The following APPL2 variants were observed in gnomAD, a reference collection of about 807,000 sequenced individuals.
APPL2 encodes adaptor protein, phosphotyrosine interacting with PH domain and leucine zipper 2.
In APPL2, 84 loss-of-function variants were observed where a neutral mutation model predicts 92.7. The ratio of observed to expected loss-of-function variants is 0.91; its 90% CI spans 0.76 to 1.09. APPL2 has a LOEUF of 1.09. Ranked by LOEUF, APPL2 falls within the 50% of genes least tolerant of loss-of-function variation. The pLI, the probability that APPL2 is intolerant of heterozygous loss-of-function variation, is 0.00. For missense variants in APPL2, 736 were observed against 824.5 expected (o/e 0.89, Z 1.31); for synonymous variants, 291 against 291.0 (o/e 1.00, Z 0.00).
intron 4 of APPL2, 23 bp from the exon 5 acceptor site, chr12:105,211,340 C>G: frequency 6.6e-7 from 1 of 1,503,950 alleles, no homozygotes; most frequent in African/African-American, 1.4e-5. Context: ...GAATGGTATT[C>G]AAGTAAATTA....
At chr12:105,186,465 A>G (rs1190752796) in intron 17 of APPL2, among the ~76,000 whole-genome samples, 1 of 151,924 alleles carries the variant, frequency 6.6e-6, no homozygotes, top group Non-Finnish European at 1.5e-5. Context: ...TTTTTGTTTG[A>G]ACACCTGTAT....
intron 2 of APPL2, among the ~76,000 whole-genome samples, chr12:105,225,623 G>A (rs893745908): frequency 3.1e-4 from 47 of 152,214 alleles, no homozygotes; most frequent in African/African-American, 1.1e-3. Flanking sequence ...GCTCTTCTCT[G>A]TTAATGCACT....
At chr12:105,207,282 A>G (rs1888804075) in intron 7 of APPL2, 75 bp from the exon 8 acceptor site, 1 of 1,399,620 alleles carries the variant, frequency 7.1e-7, no homozygotes, top group South Asian at 1.4e-5. Context: ...GTGCTTCAAA[A>G]TGTGTGTTTA....
chr12:105,233,885 C>T (rs1437025416), intron 1 of APPL2, among the ~76,000 whole-genome samples: 1 of 152,222 alleles, frequency 6.6e-6, no homozygotes, highest in Non-Finnish European at 1.5e-5. Context: ...CACATAAAAT[C>T]CATGAAACAG....
chr12:105,184,551 C>T lies in APPL2; in HGVS notation c.1634+3722G>A, dbSNP rs577528608. On this transcript the variant is annotated intron_variant, in intron 17 of 20. Transcript: ENST00000258530. ...GCTGCAGTTTGCTGAAGGTACACTC[C>T]GGACTCTCTTTGCCTGGGTATCACC... Among the ~76,000 whole-genome samples, 28 of 152,308 alleles carry T rather than the reference C, an allele frequency of 1.8e-4. 2 individuals are homozygous for T. The highest frequency in any genetic ancestry group is 1.0e-3 in the South Asian group (5 of 4,822).
At chr12:105,188,195 A>G in intron 17 of APPL2, 78 bp downstream of exon 17, 2 of 1,497,690 alleles carry the variant, frequency 1.3e-6, no homozygotes, top group South Asian at 2.4e-5. Context: ...CAGTACTAAC[A>G]TTTCAGATGG....
At position 105,195,609 on chromosome 12, in the gene APPL2, A is replaced by G. The variant is rs1887572544; in HGVS notation, c.1071T>C (p.Ala357=). 1.9e-6 allele frequency: 3 copies of G among 1,614,238 alleles called. No homozygotes were observed. The highest frequency in any genetic ancestry group is 2.5e-6 in the Non-Finnish European group (3 of 1,180,046). Residue 357 remains alanine, a synonymous_variant, in exon 12 of 21, where the codon GCT becomes GCC. Transcript: ENST00000258530. Reference sequence around the variant, plus strand: ...CCTCTTCATTTTCCTTTCTGCTCTCAGCCTGGAGGATTATTCCCCTGAAAC... The same window carrying G: ...CCTCTTCATTTTCCTTTCTGCTCTCGGCCTGGAGGATTATTCCCCTGAAAC... ...PNGKSGIILQ[A]ESRKENEEWI...
chr12:105,222,007 A>G (rs1890138416), intron 2 of APPL2, among the ~76,000 whole-genome samples: 2 of 152,180 alleles, frequency 1.3e-5, no homozygotes, highest in African/African-American at 2.4e-5. Context: ...ATCGATCTAT[A>G]CCAACTATTT....
At chr12:105,220,583 G>A (rs993201547) in intron 2 of APPL2, among the ~76,000 whole-genome samples, 2 of 152,124 alleles carry the variant, frequency 1.3e-5, no homozygotes, top group African/African-American at 4.8e-5. Context: ...ACTCTAATAT[G>A]TTACTTCCCC....
intron 9 of APPL2, among the ~76,000 whole-genome samples, chr12:105,202,323 G>A (rs140305260): frequency 2.0e-3 from 305 of 152,242 alleles, no homozygotes; most frequent in African/African-American, 7.1e-3. Context: ...GCTATACTTG[G>A]GTTGGCCTAA....
intron 17 of APPL2, among the ~76,000 whole-genome samples, chr12:105,181,761 A>G (rs947410372): frequency 1.3e-5 from 2 of 152,134 alleles, no homozygotes; most frequent in African/African-American, 2.4e-5. Context: ...AGGTGTTTAT[A>G]GTATTCTCTG....
chr12:105,199,483 C>G lies in APPL2; in HGVS notation c.753G>C (p.Gln251His). 6.2e-7 allele frequency: 1 copy of G among 1,614,076 alleles called. No individual in the cohort carries two copies. Among genetic ancestry groups the G allele is most frequent in the Non-Finnish European group, 8.5e-7 (1 of 1,180,012 alleles). ...EAEAEKMRVS[Q>H]QELLSVDESV... is the part of the protein sequence containing the mutation. Reference sequence around the variant, plus strand: ...ATTCATCAACAGAAAGTAATTCTTGCTGGGACACCCGCATCTTTTCCGCCT... The same window carrying G: ...ATTCATCAACAGAAAGTAATTCTTGGTGGGACACCCGCATCTTTTCCGCCT... The change falls in exon 10 of 21, where the codon CAG becomes CAC. Residue 251 changes from glutamine (Q) to histidine (H), a missense_variant. Gln to His is a conservative substitution (Grantham distance 24). Transcript: ENST00000258530.
chr12:105,199,351 A>C (rs1592787737), intron 10 of APPL2, 22 bp downstream of exon 10: 1 of 1,599,474 alleles, frequency 6.3e-7, no homozygotes, highest in Non-Finnish European at 8.5e-7. Context: ...TCAGAAAAAG[A>C]GGCAGACGGT....
In APPL2 at chr12:105,177,270, TTTAA is replaced by T. The variant is rs745341740; in HGVS notation, c.1635-12_1635-9del. On this transcript the variant is annotated splice_polypyrimidine_tract_variant and intron_variant, in intron 17 of 20. Coordinates refer to ENST00000258530, the MANE Select transcript of APPL2 (RefSeq NM_018171.5). ...GTCTGTGGATCTATCAACCTGAAAT[TTTAA>T]AAGATACATTATGTCACAAATGTTG... is the stretch of plus-strand genomic sequence containing the variant. The T allele has an allele frequency of 2.5e-5, 40 of 1,612,494 alleles. No individual in the cohort carries two copies. In the African/African-American group the frequency reaches 5.1e-4, roughly 20 times the overall value.
chr12:105,184,011 C>A (rs1462663983), intron 17 of APPL2, among the ~76,000 whole-genome samples: 1 of 152,152 alleles, frequency 6.6e-6, no homozygotes, highest in Non-Finnish European at 1.5e-5. Context: ...TTAAGTTAAT[C>A]TTCAATCTCT....
Position 105,217,082 on chromosome 12 carries a change from T to G in APPL2, c.272A>C (p.Lys91Thr). 6.2e-7 allele frequency: 1 copy of G among 1,609,094 alleles called. No individual in the cohort carries two copies. Among genetic ancestry groups the G allele is most frequent in the Non-Finnish European group, 8.5e-7 (1 of 1,176,462 alleles). ...EVISTLHYFS[K>T]VVDELNLLHT... The stretch of plus-strand genomic sequence containing the variant: ...TTGCTATCTTACCTCATCCACCACT[T>G]TGGAAAAATAGTGGAGTGTTGAAAT... Residue 91 changes from lysine (K) to threonine (T), a missense_variant, in exon 4 of 21, where the codon AAA (lysine) becomes ACA (threonine). Physicochemically the swap from Lys to Thr is moderately conservative, Grantham distance 78. Transcript: ENST00000258530.
chr12:105,208,281 T>TA, intron 5 of APPL2, 82 bp from the exon 6 acceptor site: 1 of 1,529,512 alleles, frequency 6.5e-7, no homozygotes, highest in South Asian at 1.1e-5. Context: ...CCCCTGAAAA[T>TA]AAGAGAATAT....
At chr12:105,231,752 G>C (rs1890933981) in intron 1 of APPL2, among the ~76,000 whole-genome samples, 1 of 152,194 alleles carries the variant, frequency 6.6e-6, no homozygotes, top group Non-Finnish European at 1.5e-5. Flanking sequence ...TTATATCGTG[G>C]AAATGCAACT....
chr12:105,174,249 G>A lies in APPL2; in HGVS notation c.*65C>T. The A allele has an allele frequency of 6.4e-7, 1 of 1,565,606 alleles. No homozygotes were observed. Among genetic ancestry groups the A allele is most frequent in the Non-Finnish European group, 8.6e-7 (1 of 1,157,194 alleles). On this transcript the variant is annotated 3_prime_UTR_variant, in exon 21 of 21. Coordinates refer to ENST00000258530, the MANE Select transcript of APPL2 (RefSeq NM_018171.5). ...CAGGTCAGTGTGCCTGTATGTCAGA[G>A]ACGTTAAAACCCTTAGGAGGTAGCT...
Sources: allele counts gnomAD v4.1 joint callset (sites outside exome capture counted in the v4.1 genomes callset), GRCh38; gene constraint gnomAD v4.1.1; transcripts MANE v1.5; gene names NCBI Gene and HGNC (gene_info 2026-07-23, HGNC 2026-07-21).